The following COX15 variants were observed in gnomAD, a reference collection of about 807,000 sequenced individuals.
The protein encoded by COX15 is cytochrome c oxidase assembly factor COX15.
Under a neutral mutation model 51.9 loss-of-function variants are expected in COX15, and 51 were observed. The observed-to-expected ratio is 0.98, with a 90% confidence interval of 0.78 to 1.24. The LOEUF (loss-of-function observed/expected upper bound fraction) is 1.24, where lower values mean the gene tolerates loss of function less well. Ranked by LOEUF, COX15 falls within the 50% of genes most tolerant of loss-of-function variation. The pLI, the probability that COX15 is intolerant of heterozygous loss-of-function variation, is 0.00. For missense variants in COX15, 420 were observed against 501.1 expected (o/e 0.84, Z 1.55); for synonymous variants, 188 against 190.5 (o/e 0.99, Z 0.11).
At chr10:99,726,613 C>T (rs539586615) in intron 4 of COX15, among the ~76,000 whole-genome samples, 4 of 152,106 alleles carry the variant, frequency 2.6e-5, no homozygotes, top group South Asian at 2.1e-4. Context: ...AGGGGCCGGG[C>T]GCAGTGGCTC....
At chr10:99,729,522 A>G in intron 2 of COX15, 31 bp downstream of exon 2, 1 of 1,602,642 alleles carries the variant, frequency 6.2e-7, no homozygotes, top group Non-Finnish European at 8.5e-7. Context: ...GATGATCCAA[A>G]TACCTGACTC....
downstream of COX15, chr10:99,709,249 G>T (rs2036312044): frequency 1.0e-6 from 1 of 984,852 alleles, no homozygotes; most frequent in Middle Eastern, 5.2e-4. Flanking sequence ...GAAACAGAGG[G>T]CTGTTTCTTT....
intron 1 of COX15, 55 bp downstream of exon 1, chr10:99,731,905 G>A (rs765449969): frequency 1.2e-5 from 19 of 1,557,720 alleles, no homozygotes; most frequent in Non-Finnish European, 1.6e-5. Flanking sequence ...TCTTTATCCC[G>A]GCCCTTTCAC....
At chr10:99,702,497 A>AT in the COX15 span, 8 of 1,517,706 alleles carry the variant, frequency 5.3e-6, no homozygotes, top group Admixed American at 1.4e-4. Context: ...AAATTTAATT[A>AT]TTTTTGTCAC....
At chr10:99,724,601 C>T (rs895910935) in intron 4 of COX15, among the ~76,000 whole-genome samples, 3 of 151,986 alleles carry the variant, frequency 2.0e-5, no homozygotes, top group Non-Finnish European at 4.4e-5. Context: ...CACAGTTCTT[C>T]ACATATCACC....
At chr10:99,708,590 T>G (rs192441686), downstream of COX15, among the ~76,000 whole-genome samples, 517 of 152,346 alleles carry the variant, frequency 3.4e-3, 4 homozygotes, top group African/African-American at 0.012. Flanking sequence ...CATATGATTT[T>G]GGGAAGAGCA....
intron 1 of COX15, among the ~76,000 whole-genome samples, chr10:99,731,077 G>A (rs2037124483): frequency 6.6e-6 from 1 of 152,016 alleles, no homozygotes; most frequent in African/African-American, 2.4e-5. Context: ...AAGAAATTTA[G>A]AGAAAAAGAT....
intron 7 of COX15, 135 bp downstream of exon 7, chr10:99,718,211 A>C: frequency 2.0e-6 from 2 of 1,024,378 alleles, no homozygotes; most frequent in Admixed American, 4.1e-5. Context: ...AATGGTCCTA[A>C]AATTTCTTCC....
chr10:99,709,578 TA>T (rs2036320737), downstream of COX15: 2 of 983,892 alleles, frequency 2.0e-6, no homozygotes, highest in South Asian at 9.4e-5. Context: ...CAACAGTGAA[TA>T]TACCTCAAAT....
chr10:99,707,098 G>A (rs2036269357), downstream of COX15, among the ~76,000 whole-genome samples: 1 of 152,152 alleles, frequency 6.6e-6, no homozygotes, highest in Non-Finnish European at 1.5e-5. Context: ...TTTTATAGTT[G>A]AGAATCTCAG....
At position 99,711,827 on chromosome 10, in the gene COX15, T is replaced by A. The variant is rs2036398420; in HGVS notation, c.*2760A>T. The A allele has an allele frequency of 1.0e-6, 1 of 985,086 alleles. No homozygotes were observed. Among genetic ancestry groups the A allele is most frequent in the Admixed American group, 6.1e-5 (1 of 16,272 alleles). 61.0% of individuals were successfully genotyped at this position (985,086 alleles called of 1,614,324 possible). A position where few individuals can be genotyped will look rare whatever the true frequency, so the allele number is the denominator to read the frequency against. On this transcript the variant is annotated 3_prime_UTR_variant, in exon 9 of 9. Transcript: ENST00000016171. ...CTGTGTTAGTCGGCTTGCATTGCTA[T>A]AAGGAAATACTGACAATTTTTAGAA...
downstream of COX15, chr10:99,706,204 T>C (rs1465670205): frequency 6.6e-6 from 1 of 152,142 alleles, no homozygotes; most frequent in South Asian, 2.1e-4. Context: ...GAAAAAGAAA[T>C]TAAGATCATC....
the COX15 span, chr10:99,698,761 G>C: frequency 6.2e-7 from 1 of 1,614,272 alleles, no homozygotes; most frequent in Non-Finnish European, 8.5e-7. Context: ...TTCAACAACA[G>C]CGAGTTCTAC....
At chr10:99,715,822 CCT>C (rs775376144) in intron 8 of COX15, among the ~76,000 whole-genome samples, 7 of 151,826 alleles carry the variant, frequency 4.6e-5, no homozygotes, top group Non-Finnish European at 5.9e-5. Context: ...TAAATTTGCT[CCT>C]CTCTGATTAT....
intron 8 of COX15, among the ~76,000 whole-genome samples, chr10:99,714,943 AGAG>A (rs974110208): frequency 4.6e-4 from 70 of 152,348 alleles, no homozygotes; most frequent in Admixed American, 2.1e-3. Flanking sequence ...CCAGTTCCCC[AGAG>A]TAGTCACTGT....
Position 99,711,628 on chromosome 10 carries a change from C to G in COX15, c.*2959G>C, listed in dbSNP as rs984578663. ...CACCTGGGGAACTTTAAAAATATGC[C>G]TTTTACTTCCTCCAGGGATTGTGAC... is the stretch of plus-strand genomic sequence containing the variant. On this transcript the variant is annotated 3_prime_UTR_variant, in exon 9 of 9. Transcript: ENST00000016171. The G allele has an allele frequency of 2.2e-5, 22 of 984,936 alleles. No homozygotes were observed. Among genetic ancestry groups the G allele is most frequent in the Non-Finnish European group, 2.7e-5 (22 of 829,642 alleles). 61.0% of individuals were successfully genotyped at this position (984,936 alleles called of 1,614,324 possible).
chr10:99,695,749 T>C, the COX15 span, among the ~76,000 whole-genome samples: 7 of 152,320 alleles, frequency 4.6e-5, no homozygotes, highest in African/African-American at 1.7e-4. Context: ...TCATATTTAG[T>C]TCTTAATTTA....
At chr10:99,722,291 G>A (rs1003061532) in intron 5 of COX15, among the ~76,000 whole-genome samples, 1 of 152,156 alleles carries the variant, frequency 6.6e-6, no homozygotes, top group Non-Finnish European at 1.5e-5. Flanking sequence ...TAAACTAACA[G>A]AGAAAAACAA....
chr10:99,702,775 G>A, the COX15 span: 3 of 1,116,760 alleles, frequency 2.7e-6, no homozygotes, highest in South Asian at 4.6e-5. Context: ...CTTAGAATAG[G>A]TCTTAAGTGA....
Sources: allele counts gnomAD v4.1 joint callset (sites outside exome capture counted in the v4.1 genomes callset), GRCh38; gene constraint gnomAD v4.1.1; transcripts MANE v1.5; gene names NCBI Gene and HGNC (gene_info 2026-07-23, HGNC 2026-07-21).